Variants in GPATCH2 observed in about 807,000 individuals in gnomAD.
GPATCH2 encodes the protein G-patch domain containing 2.
Under a neutral mutation model 58.0 loss-of-function variants are expected in GPATCH2, and 51 were observed. That is an observed-to-expected ratio of 0.88 (90% CI 0.70 to 1.11). GPATCH2 has a LOEUF of 1.11. GPATCH2 is among the 50% of genes most tolerant of loss of function. The pLI, the probability that GPATCH2 is intolerant of heterozygous loss-of-function variation, is 0.00. For synonymous variants in GPATCH2, 222 were observed against 218.5 expected (o/e 1.02, Z -0.14); for missense variants, 625 against 652.2 (o/e 0.96, Z 0.45).
Position 217,610,363 on chromosome 1 carries a change from A to G in GPATCH2, c.1056T>C (p.Ser352=), listed in dbSNP as rs1287003420. The change falls in exon 5 of 10, where the codon TCT becomes TCC. Residue 352 remains serine (S), a synonymous_variant. Coordinates refer to ENST00000366935, the MANE Select transcript of GPATCH2 (RefSeq NM_018040.5). ...CTCCAGATTTTTTAATATTCTTTGA[A>G]GACATTCCATGAAGGCGACTGAGTC... ...QARLSRLHGM[S]SKNIKKSGGT... The G allele has an allele frequency of 6.2e-7, 1 of 1,606,734 alleles. No individual in the cohort carries two copies. The highest frequency in any genetic ancestry group is 1.3e-5 in the African/African-American group (1 of 74,744).
At chr1:217,570,260 C>T (rs190436069) in intron 5 of GPATCH2, among the ~76,000 whole-genome samples, 31 of 152,126 alleles carry the variant, frequency 2.0e-4, no homozygotes, top group East Asian at 5.8e-4. Flanking sequence ...TAGAGGTGCA[C>T]GCCACCACGC....
intron 5 of GPATCH2, among the ~76,000 whole-genome samples, chr1:217,553,570 T>G (rs555816809): frequency 2.4e-4 from 37 of 152,180 alleles, no homozygotes; most frequent in Admixed American, 3.3e-4. Context: ...TAGGGAACAT[T>G]AAGTAATATT....
rs557820804 is a variant in GPATCH2 at position 217,538,566 on chromosome 1, G to C, written c.1099-23677C>G. Among the ~76,000 whole-genome samples, 9 of 152,242 alleles carry C rather than the reference G, an allele frequency of 5.9e-5. No individual in the cohort carries two copies. The South Asian group carries it at 8.3e-4, about 14-fold the overall frequency. On this transcript the variant is annotated intron_variant, in intron 5 of 9. Coordinates refer to ENST00000366935, the MANE Select transcript of GPATCH2 (RefSeq NM_018040.5). Reference sequence around the variant, plus strand: ...ATGAAGGTCTCAGGACAAATCTCTTGCAAATATCAAGGGTCTACTGTAATC... The same window carrying C: ...ATGAAGGTCTCAGGACAAATCTCTTCCAAATATCAAGGGTCTACTGTAATC...
At chr1:217,571,512 TAA>T (rs11366675) in intron 5 of GPATCH2, among the ~76,000 whole-genome samples, 21 of 142,716 alleles carry the variant, frequency 1.5e-4, no homozygotes, top group East Asian at 4.0e-4. Context: ...TGAAAGACAT[TAA>T]AAAAAAAAAG....
chr1:217,427,883 C>T lies in GPATCH2; in HGVS notation c.*3262G>A, dbSNP rs931988918. 2.0e-5 allele frequency: 3 copies of T among 152,008 alleles called. No homozygotes were observed. The highest frequency in any genetic ancestry group is 4.8e-5 in the African/African-American group (2 of 41,408). The allele number at this position is 152,008 out of a possible 1,614,324, so 9.4% of individuals were successfully genotyped here. A position where few individuals can be genotyped will look rare whatever the true frequency, so the allele number is the denominator to read the frequency against. On this transcript the variant is annotated 3_prime_UTR_variant, in exon 10 of 10. Transcript: ENST00000366935. ...CTGCACACAGGCATTATAAATACAC[C>T]TATAGGTACACATTATGTATATCTT... is the stretch of plus-strand genomic sequence containing the variant.
At chr1:217,614,353 T>C (rs967536085) in intron 2 of GPATCH2, 151 bp from the exon 3 acceptor site, 2 of 585,380 alleles carry the variant, frequency 3.4e-6, no homozygotes, top group African/African-American at 3.7e-5. Flanking sequence ...ATCAAACTGC[T>C]AATATCCTGG....
Position 217,514,811 on chromosome 1 carries a change from T to C in GPATCH2, c.1166+11A>G. The C allele has an allele frequency of 7.5e-7, 1 of 1,325,740 alleles. No homozygotes were observed. Among genetic ancestry groups the C allele is most frequent in the Non-Finnish European group, 1.1e-6 (1 of 917,390 alleles). 82.1% of individuals were successfully genotyped at this position (1,325,740 alleles called of 1,614,324 possible). On this transcript the variant is annotated intron_variant, in intron 6 of 9. Coordinates refer to ENST00000366935, the MANE Select transcript of GPATCH2 (RefSeq NM_018040.5). ...CTCCAATAAGGTTATATAAACACAC[T>C]GAGTACTCACTCATGGTGATGAGAA...
intron 5 of GPATCH2, among the ~76,000 whole-genome samples, chr1:217,540,615 A>G (rs1664690980): frequency 6.6e-6 from 1 of 152,224 alleles, no homozygotes; most frequent in Non-Finnish European, 1.5e-5. Context: ...TTTGCACAAT[A>G]GTGCTACTCT....
At chr1:217,544,694 G>A (rs530227120) in intron 5 of GPATCH2, among the ~76,000 whole-genome samples, 4 of 152,202 alleles carry the variant, frequency 2.6e-5, no homozygotes, top group Middle Eastern at 3.4e-3. Context: ...CTCGCTCTTC[G>A]GTTCTTCACA....
intron 8 of GPATCH2, among the ~76,000 whole-genome samples, chr1:217,487,140 C>G (rs1255108269): frequency 6.6e-6 from 1 of 152,126 alleles, no homozygotes; most frequent in Non-Finnish European, 1.5e-5. Context: ...TCAAAGCCAC[C>G]CTGCTTTACA....
chr1:217,494,719 G>A (rs548613471), intron 7 of GPATCH2, among the ~76,000 whole-genome samples: 1 of 151,854 alleles, frequency 6.6e-6, no homozygotes, highest in East Asian at 1.9e-4. Flanking sequence ...ACTCCAGCCT[G>A]GATGAAAAAG....
intron 5 of GPATCH2, among the ~76,000 whole-genome samples, chr1:217,584,747 T>C (rs944060220): frequency 4.6e-5 from 7 of 151,762 alleles, no homozygotes; most frequent in African/African-American, 1.7e-4. Flanking sequence ...AAGTCAATAC[T>C]AGAAGGAAAA....
chr1:217,571,135 A>T (rs1357961274), intron 5 of GPATCH2, among the ~76,000 whole-genome samples: 1 of 152,238 alleles, frequency 6.6e-6, no homozygotes, highest in Non-Finnish European at 1.5e-5. Context: ...GTTAGGTGAC[A>T]AAATCAAGAT....
At chr1:217,464,317 G>T (rs113517657) in intron 8 of GPATCH2, among the ~76,000 whole-genome samples, 188 of 152,032 alleles carry the variant, frequency 1.2e-3, no homozygotes, top group African/African-American at 4.4e-3. Flanking sequence ...ATAAACTATT[G>T]GCAGCTATGA....
intron 8 of GPATCH2, among the ~76,000 whole-genome samples, chr1:217,471,552 T>C (rs990690127): frequency 6.6e-6 from 1 of 152,206 alleles, no homozygotes; most frequent in South Asian, 2.1e-4. Context: ...GCTGTAACTC[T>C]ATCTGTTACA....
chr1:217,606,184 T>C (rs1232359557), intron 5 of GPATCH2, among the ~76,000 whole-genome samples: 1 of 151,128 alleles, frequency 6.6e-6, no homozygotes, highest in Non-Finnish European at 1.5e-5. Context: ...CTATTAGGCC[T>C]TCTCCCTCCA....
chr1:217,542,302 G>A (rs1217386624), intron 5 of GPATCH2, among the ~76,000 whole-genome samples: 1 of 152,142 alleles, frequency 6.6e-6, no homozygotes, highest in African/African-American at 2.4e-5. Flanking sequence ...CCTTACGGTA[G>A]GAGACGCAGT....
chr1:217,535,388 AT>A (rs541480825), intron 5 of GPATCH2, among the ~76,000 whole-genome samples: 27 of 151,490 alleles, frequency 1.8e-4, no homozygotes, highest in Admixed American at 1.3e-3. Context: ...TATTATTATG[AT>A]TTTTTTTTGG....
chr1:217,438,537 C>G (rs1279538901), intron 9 of GPATCH2, among the ~76,000 whole-genome samples: 3 of 151,992 alleles, frequency 2.0e-5, no homozygotes, highest in Non-Finnish European at 4.4e-5. Flanking sequence ...CCTGATGAAA[C>G]TGAAAAACAC....
Sources: allele counts gnomAD v4.1 joint callset (sites outside exome capture counted in the v4.1 genomes callset), GRCh38; gene constraint gnomAD v4.1.1; transcripts MANE v1.5; gene names NCBI Gene and HGNC (gene_info 2026-07-23, HGNC 2026-07-21).